The following RANBP2 variants were observed in gnomAD, a reference collection of about 807,000 sequenced individuals.
The protein encoded by RANBP2 is RAN binding protein 2.
A neutral mutation model predicts 303.6 loss-of-function variants in RANBP2; 57 were observed. That is an observed-to-expected ratio of 0.19 (90% CI 0.15 to 0.23). RANBP2 has a LOEUF of 0.23. Ranked by LOEUF, RANBP2 falls within the 10% of genes least tolerant of loss-of-function variation. The pLI is 1.00. For synonymous variants in RANBP2, 1,167 were observed against 1,301.5 expected (o/e 0.90, Z 2.23); for missense variants, 3,138 against 3,780.8 (o/e 0.83, Z 4.46).
At chr2:109,341,295 T>G in the RANBP2 span, among the ~76,000 whole-genome samples, 1 of 152,220 alleles carries the variant, frequency 6.6e-6, no homozygotes, top group Non-Finnish European at 1.5e-5. Context: ...AACAAACTTC[T>G]TCATCGCGGA....
chr2:109,610,717 A>C, the RANBP2 span, among the ~76,000 whole-genome samples: 2 of 151,528 alleles, frequency 1.3e-5, no homozygotes, highest in African/African-American at 4.8e-5. Flanking sequence ...TTCCGTCTTC[A>C]AAAAAAAAGA....
chr2:109,458,634 G>C, the RANBP2 span, among the ~76,000 whole-genome samples: 1 of 135,720 alleles, frequency 7.4e-6, no homozygotes, highest in East Asian at 2.2e-4. Flanking sequence ...TGTGACTGTG[G>C]AGGCTGGCAA....
chr2:109,594,290 G>C, the RANBP2 span, among the ~76,000 whole-genome samples: 3 of 152,076 alleles, frequency 2.0e-5, no homozygotes, highest in Non-Finnish European at 4.4e-5. Flanking sequence ...AATTGCAAAT[G>C]GTGTCAATGA....
chr2:109,359,500 T>C, the RANBP2 span, among the ~76,000 whole-genome samples: 2 of 152,262 alleles, frequency 1.3e-5, no homozygotes, highest in African/African-American at 4.8e-5. Flanking sequence ...GTTACACTTA[T>C]ACTTAAGTAT....
the RANBP2 span, among the ~76,000 whole-genome samples, chr2:109,395,039 G>A: frequency 6.6e-6 from 1 of 152,242 alleles, no homozygotes; most frequent in Admixed American, 6.5e-5. Flanking sequence ...TTCAGGCCCA[G>A]CTTTATGACG....
the RANBP2 span, among the ~76,000 whole-genome samples, chr2:109,565,393 T>C: frequency 1.7e-4 from 26 of 152,306 alleles, no homozygotes; most frequent in African/African-American, 6.3e-4. Flanking sequence ...ATTCTGGAAA[T>C]AGCCGGCAAT....
Position 108,775,739 on chromosome 2 carries a change from A to C in RANBP2, c.8300A>C (p.Gln2767Pro). 6.2e-7 allele frequency: 1 copy of C among 1,613,688 alleles called. No individual in the cohort carries two copies. Among genetic ancestry groups the C allele is most frequent in the Non-Finnish European group, 8.5e-7 (1 of 1,179,890 alleles). The change falls in exon 24 of 29, where the codon CAG (glutamine) becomes CCG (proline). Residue 2767 changes from glutamine to proline, a missense_variant. By Grantham distance (76) the Gln-to-Pro change is moderately conservative. Coordinates refer to ENST00000283195, the MANE Select transcript of RANBP2 (RefSeq NM_006267.5). ...LQKVQEAQKSQTEEITSTTDS... is the reference protein window; with the variant it reads ...LQKVQEAQKSPTEEITSTTDS... Reference sequence around the variant, plus strand: ...GTGACTTCCTCTTTGCAGAAATCTCAGACAGAAGAAATAACTAGCACAACT... The same window carrying C: ...GTGACTTCCTCTTTGCAGAAATCTCCGACAGAAGAAATAACTAGCACAACT...
Position 108,782,223 on chromosome 2 carries a change from G to A in RANBP2, c.8856G>A (p.Glu2952=), listed in dbSNP as rs773586785. 5.0e-6 allele frequency: 8 copies of A among 1,614,186 alleles called. No individual in the cohort carries two copies. The highest frequency in any genetic ancestry group is 6.8e-6 in the Non-Finnish European group (8 of 1,180,012). The change falls in exon 27 of 29, where the codon GAG becomes GAA. Residue 2952 remains glutamate (E), a synonymous_variant. Coordinates refer to ENST00000283195, the MANE Select transcript of RANBP2 (RefSeq NM_006267.5). ...ATCGGGATGTCAGTCAGTGGAAGGA[G>A]CGCGGTGTTGGAGATATAAAGATTC... ...RWDRDVSQWK[E]RGVGDIKILW...
At chr2:109,671,264 C>T in the RANBP2 span, among the ~76,000 whole-genome samples, 94 of 152,280 alleles carry the variant, frequency 6.2e-4, no homozygotes, top group African/African-American at 2.2e-3. Flanking sequence ...CTGTAGCATG[C>T]CAGAGTGGTA....
At chr2:108,738,939 A>AT (rs1695846316) in intron 6 of RANBP2, among the ~76,000 whole-genome samples, 1 of 152,048 alleles carries the variant, frequency 6.6e-6, no homozygotes, top group Non-Finnish European at 1.5e-5. Context: ...CAATAATAGC[A>AT]TTTTTTATGA....
chr2:109,207,711 A>G, the RANBP2 span, among the ~76,000 whole-genome samples: 5 of 152,218 alleles, frequency 3.3e-5, no homozygotes, highest in African/African-American at 1.2e-4. Context: ...AAACATTTGT[A>G]TAGGAAGACT....
chr2:109,717,585 A>G, the RANBP2 span, among the ~76,000 whole-genome samples: 7 of 148,238 alleles, frequency 4.7e-5, no homozygotes, highest in Admixed American at 1.4e-4. Flanking sequence ...TCCATCTCAA[A>G]AAACAAAAAC....
At chr2:109,302,879 T>G in the RANBP2 span, among the ~76,000 whole-genome samples, 1 of 152,142 alleles carries the variant, frequency 6.6e-6, no homozygotes, top group African/African-American at 2.4e-5. Flanking sequence ...TAGCTTTTTT[T>G]GTTTGTTTGT....
At chr2:109,082,347 C>T in the RANBP2 span, among the ~76,000 whole-genome samples, 1,524 of 152,072 alleles carry the variant, frequency 0.01, 8 homozygotes, top group Non-Finnish European at 0.014. Context: ...GTGGCCCAGG[C>T]TAGAGTGCAG....
At chr2:109,021,191 G>A in the RANBP2 span, among the ~76,000 whole-genome samples, 2 of 152,202 alleles carry the variant, frequency 1.3e-5, no homozygotes, top group East Asian at 1.9e-4. Flanking sequence ...CTCACCAAGT[G>A]ATAAGCAACA....
At chr2:109,674,080 G>T in the RANBP2 span, among the ~76,000 whole-genome samples, 1 of 151,932 alleles carries the variant, frequency 6.6e-6, no homozygotes, top group East Asian at 1.9e-4. Context: ...TTTTCTCATT[G>T]GTTTGTTAGT....
the RANBP2 span, among the ~76,000 whole-genome samples, chr2:109,306,815 T>A: frequency 6.6e-6 from 1 of 152,216 alleles, no homozygotes; most frequent in Non-Finnish European, 1.5e-5. Context: ...GATTACGTAT[T>A]TCCTAGGTTG....
chr2:108,782,149 G>T lies in RANBP2; in HGVS notation c.8782G>T (p.Glu2928Ter). ...ATAGGTAGAAGTAAAATCTGGAGAA[G>T]AAGATGAAGAAATTTTGTTTAAAGA... ...LPEVEVKSGE[E>*]DEEILFKERA... is the part of the protein sequence containing the mutation. Residue 2928 changes from glutamate (E) to a stop codon, truncating the protein, a stop_gained, in exon 27 of 29, where the codon GAA becomes TAA. Coordinates refer to ENST00000283195, the MANE Select transcript of RANBP2 (RefSeq NM_006267.5). LOFTEE classifies it high-confidence loss of function. 1 of 1,614,126 alleles carries T rather than the reference G, an allele frequency of 6.2e-7. No homozygotes were observed. Among genetic ancestry groups the T allele is most frequent in the Non-Finnish European group, 8.5e-7 (1 of 1,180,006 alleles).
At chr2:109,538,537 G>C in the RANBP2 span, among the ~76,000 whole-genome samples, 2 of 152,284 alleles carry the variant, frequency 1.3e-5, no homozygotes, top group African/African-American at 4.8e-5. Context: ...TTTTATTTTT[G>C]AGACAGTCTC....
Sources: gnomAD v4.1 joint callset for allele counts (sites outside exome capture counted in the v4.1 genomes callset) on GRCh38, gnomAD v4.1.1 for gene constraint, MANE v1.5 for transcripts, NCBI Gene and HGNC (gene_info 2026-07-23, HGNC 2026-07-21) for gene names.